ROCK1: variants seen among roughly 807,000 people sequenced by gnomAD.
The protein encoded by ROCK1 is rho-associated protein kinase 1.
In ROCK1, 36 loss-of-function variants were observed where a neutral mutation model predicts 196.8. The observed-to-expected ratio is 0.18, with a 90% CI of 0.14 to 0.24. The LOEUF (loss-of-function observed/expected upper bound fraction) is 0.24, where lower values mean the gene tolerates loss of function less well. Ranked by LOEUF, ROCK1 falls within the 10% of genes least tolerant of loss-of-function variation. The pLI is 1.00. For missense variants in ROCK1, 920 were observed against 1,562.0 expected (o/e 0.59, Z 6.93); for synonymous variants, 443 against 515.9 (o/e 0.86, Z 1.91).
At chr18:21,084,667 G>T (rs2036511473) in intron 1 of ROCK1, among the ~76,000 whole-genome samples, 1 of 152,212 alleles carries the variant, frequency 6.6e-6, no homozygotes, top group Non-Finnish European at 1.5e-5. Flanking sequence ...CAATGCTGGT[G>T]GGAATGTAAA....
chr18:21,077,418 A>G (rs2036442619), intron 1 of ROCK1, among the ~76,000 whole-genome samples: 2 of 152,136 alleles, frequency 1.3e-5, no homozygotes, highest in African/African-American at 4.8e-5. Context: ...GACTAAGGCA[A>G]GAACCTAAAC....
At chr18:20,990,398 G>A (rs2035613592) in intron 18 of ROCK1, among the ~76,000 whole-genome samples, 1 of 150,940 alleles carries the variant, frequency 6.6e-6, no homozygotes. Context: ...GAACTAGAAG[G>A]TGAAATTGTG....
chr18:21,012,082 G>A (rs2035823883), intron 13 of ROCK1, among the ~76,000 whole-genome samples: 1 of 152,086 alleles, frequency 6.6e-6, no homozygotes, highest in South Asian at 2.1e-4. Flanking sequence ...TGAGTAGCTA[G>A]GATTACAAGT....
At chr18:21,058,258 C>A (rs2036260719) in intron 2 of ROCK1, among the ~76,000 whole-genome samples, 1 of 151,814 alleles carries the variant, frequency 6.6e-6, no homozygotes, top group Admixed American at 6.6e-5. Flanking sequence ...TTTATAATGA[C>A]CCTTTGTTGC....
At position 20,960,210 on chromosome 18, in the gene ROCK1, G is replaced by A. The variant is rs770408271; in HGVS notation, c.3353-4C>T. ...AGCCAACCTTCAATTCTTGACTCTA[G>A]GAGAAAAAGAATATATGTATTAGTC... is the stretch of plus-strand genomic sequence containing the variant. On this transcript the variant is annotated splice_region_variant and splice_polypyrimidine_tract_variant and intron_variant, in intron 27 of 32. Transcript: ENST00000399799. 15 of 1,541,214 alleles carry A rather than the reference G, an allele frequency of 9.7e-6. No individual in the cohort carries two copies. In the African/African-American group the frequency reaches 1.2e-4, roughly 13 times the overall value.
chr18:21,064,487 G>A (rs1270318276), intron 2 of ROCK1, among the ~76,000 whole-genome samples: 4 of 152,190 alleles, frequency 2.6e-5, no homozygotes, highest in Non-Finnish European at 5.9e-5. Context: ...AAGAAAAACA[G>A]TCTTGTTCTT....
At chr18:21,099,485 T>C (rs2036640095) in intron 1 of ROCK1, among the ~76,000 whole-genome samples, 1 of 152,212 alleles carries the variant, frequency 6.6e-6, no homozygotes, top group African/African-American at 2.4e-5. Context: ...AGCTCACACC[T>C]TTAATCCCAA....
chr18:21,111,031 A>G lies in ROCK1; in HGVS notation c.-121T>C. 5.4e-6 allele frequency: 4 copies of G among 745,298 alleles called. 1 individual carries two copies. The highest frequency in any genetic ancestry group is 4.8e-5 in the South Asian group (3 of 62,226). The allele number at this position is 745,298 out of a possible 1,614,324, so 46.2% of individuals were successfully genotyped here. ...GAGGAGCCGGAACCTCAGGGTCACC[A>G]GGTGCGCCCGGTTCCCCCGTCTTCC... is the stretch of plus-strand genomic sequence containing the variant. On this transcript the variant is annotated 5_prime_UTR_variant, in exon 1 of 33. Transcript: ENST00000399799. This position sits in a 1 kb window ranked among gnomAD's most constrained non-coding sequence, Gnocchi z 4.2.
intron 5 of ROCK1, among the ~76,000 whole-genome samples, chr18:21,044,490 A>G (rs2143508756): frequency 6.6e-6 from 1 of 152,318 alleles, no homozygotes; most frequent in East Asian, 1.9e-4. Context: ...AGGTGATTGA[A>G]ACATATTAGA....
intron 16 of ROCK1, among the ~76,000 whole-genome samples, chr18:21,002,463 G>A (rs1411870359): frequency 6.6e-6 from 1 of 152,104 alleles, no homozygotes; most frequent in African/African-American, 2.4e-5. Context: ...CATCTTTGGA[G>A]GATGCCTGGG....
At chr18:21,004,232 A>G (rs1441551350) in intron 16 of ROCK1, among the ~76,000 whole-genome samples, 1 of 152,212 alleles carries the variant, frequency 6.6e-6, no homozygotes, top group Admixed American at 6.5e-5. Context: ...AAAAATAAAA[A>G]AGACTATGCA....
chr18:21,069,006 A>C (rs2036360848), intron 2 of ROCK1, among the ~76,000 whole-genome samples: 1 of 152,132 alleles, frequency 6.6e-6, no homozygotes, highest in South Asian at 2.1e-4. Context: ...GTTAAATAAA[A>C]GTGGTAAGAG....
At chr18:21,032,654 G>C (rs1243970445) in intron 9 of ROCK1, among the ~76,000 whole-genome samples, 3 of 150,988 alleles carry the variant, frequency 2.0e-5, no homozygotes, top group African/African-American at 7.3e-5. Flanking sequence ...GATGTAGCTG[G>C]GACTATAGGA....
intron 1 of ROCK1, among the ~76,000 whole-genome samples, chr18:21,099,710 A>T (rs1185338444): frequency 6.6e-6 from 1 of 152,102 alleles, no homozygotes; most frequent in Non-Finnish European, 1.5e-5. Context: ...ATGCCACTGC[A>T]CTCCAGCCTG....
chr18:21,079,088 G>A (rs1163789228), intron 1 of ROCK1, among the ~76,000 whole-genome samples: 1 of 152,146 alleles, frequency 6.6e-6, no homozygotes, highest in Non-Finnish European at 1.5e-5. Context: ...GGACAGTTTG[G>A]AGTAATTGAG....
In ROCK1 at chr18:20,948,586, A is replaced by G. The variant is rs1424208870; in HGVS notation, c.*2798T>C. 2 of 150,232 alleles carry G rather than the reference A, an allele frequency of 1.3e-5. No individual in the cohort carries two copies. Among genetic ancestry groups the G allele is most frequent in the Non-Finnish European group, 2.9e-5 (2 of 67,958 alleles). The allele number at this position is 150,232 out of a possible 1,614,324, so 9.3% of individuals were successfully genotyped here. On this transcript the variant is annotated 3_prime_UTR_variant, in exon 33 of 33. Transcript: ENST00000399799. ...GTGGCTATGTTTTCTTTGTTGCCCA[A>G]AGCTGGAGTTCCTGATCTCAGAGAA...
intron 1 of ROCK1, among the ~76,000 whole-genome samples, chr18:21,100,368 TACA>T (rs1414465630): frequency 6.7e-6 from 1 of 150,304 alleles, no homozygotes; most frequent in East Asian, 2.0e-4. Context: ...GCAAGAAATG[TACA>T]AGATGAGCCT....
At chr18:20,980,344 A>G (rs1198983598) in intron 21 of ROCK1, among the ~76,000 whole-genome samples, 1 of 152,224 alleles carries the variant, frequency 6.6e-6, no homozygotes, top group Non-Finnish European at 1.5e-5. Context: ...AATCTAAAAA[A>G]TATGCTGAGT....
rs370576446 is a variant in ROCK1 at position 21,015,412 on chromosome 18, A to G, written c.1410+19T>C. The G allele has an allele frequency of 2.0e-6, 3 of 1,497,286 alleles. No individual in the cohort carries two copies. Among genetic ancestry groups the G allele is most frequent in the Admixed American group, 3.5e-5 (2 of 56,842 alleles). The allele number at this position is 1,497,286 out of a possible 1,614,324, so 92.8% of individuals were successfully genotyped here. A position where few individuals can be genotyped will look rare whatever the true frequency, so the allele number is the denominator to read the frequency against. On this transcript the variant is annotated intron_variant, in intron 13 of 32. Coordinates refer to ENST00000399799, the MANE Select transcript of ROCK1 (RefSeq NM_005406.3). ...GGAAAAATCTCAAAAAGGAAACTTGATTAGAAAACAAAAAGTACCTCTTCA... is the reference window on the plus strand; with the variant it reads ...GGAAAAATCTCAAAAAGGAAACTTGGTTAGAAAACAAAAAGTACCTCTTCA...
Sources: allele counts gnomAD v4.1 joint callset (sites outside exome capture counted in the v4.1 genomes callset), GRCh38; gene constraint gnomAD v4.1.1; non-coding constraint Gnocchi (gnomAD v3.1); transcripts MANE v1.5; gene names NCBI Gene and HGNC (gene_info 2026-07-23, HGNC 2026-07-21).